The following PHC3 variants were observed in gnomAD, a reference collection of about 807,000 sequenced individuals.
PHC3 encodes polyhomeotic homolog 3.
PHC3 carries 13 observed loss-of-function variants against 107.4 expected under a neutral mutation model. The ratio of observed to expected loss-of-function variants is 0.12; its 90% CI spans 0.08 to 0.19. The LOEUF is 0.19. Ranked by LOEUF, PHC3 falls within the 10% of genes least tolerant of loss-of-function variation. PHC3 has a pLI of 1.00. For missense variants in PHC3, 992 were observed against 1,210.9 expected, an observed-to-expected ratio of 0.82 and a Z score of 2.68; for synonymous variants, 456 against 427.4, an observed-to-expected ratio of 1.07 and a Z score of -0.83.
intron 7 of PHC3, among the ~76,000 whole-genome samples, chr3:170,133,370 G>A (rs1722565539): frequency 6.6e-6 from 1 of 151,818 alleles, no homozygotes; most frequent in Non-Finnish European, 1.5e-5. Context: ...GTAGAGACGG[G>A]GTTTCACCAT....
intron 9 of PHC3, among the ~76,000 whole-genome samples, chr3:170,119,531 G>T (rs1560047699): frequency 6.6e-6 from 1 of 152,016 alleles, no homozygotes; most frequent in Non-Finnish European, 1.5e-5. Context: ...TACATAAGTT[G>T]TAAAAATCGA....
rs758617905 is a variant in PHC3, at chr3:170,128,861, T to C, written c.1611A>G (p.Gln537=). ...CCTGGGACAGAATTTCAGGCTGCAC[T>C]TGTAAAGACTGCATAGACTGCAAGG... ...PLPLQSMQSL[Q]VQPEILSQGQ... The change falls in exon 8 of 15, where the codon CAA becomes CAG. Residue 537 remains glutamine, a synonymous_variant. Transcript: ENST00000495893. 1.2e-6 allele frequency: 2 copies of C among 1,614,004 alleles called. No individual in the cohort carries two copies. The highest frequency in any genetic ancestry group is 1.1e-5 in the South Asian group (1 of 91,090).
intron 2 of PHC3, among the ~76,000 whole-genome samples, chr3:170,178,377 CGCCTCG>C (rs1013289650): frequency 1.3e-5 from 2 of 150,276 alleles, no homozygotes; most frequent in Non-Finnish European, 3.0e-5. Flanking sequence ...GTGATCCGCC[CGCCTCG>C]GCCTCCCAAA....
At chr3:170,111,312 AGG>A (rs1717649932) in intron 11 of PHC3, among the ~76,000 whole-genome samples, 1 of 140,422 alleles carries the variant, frequency 7.1e-6, no homozygotes, top group African/African-American at 2.7e-5. Context: ...GAAGGAAGGA[AGG>A]AAGGAACGAA....
intron 4 of PHC3, among the ~76,000 whole-genome samples, chr3:170,151,338 T>A (rs1009299191): frequency 1.3e-5 from 2 of 152,142 alleles, no homozygotes; most frequent in Non-Finnish European, 2.9e-5. Flanking sequence ...AATACTTTAT[T>A]GGACTTCTTA....
chr3:170,167,034 A>C (rs1728846856), intron 4 of PHC3, among the ~76,000 whole-genome samples: 1 of 152,228 alleles, frequency 6.6e-6, no homozygotes. Context: ...ATTACCACTA[A>C]TAGTGTATGA....
chr3:170,174,170 A>T (rs1320602274), intron 2 of PHC3, among the ~76,000 whole-genome samples: 2 of 151,834 alleles, frequency 1.3e-5, no homozygotes, highest in Admixed American at 1.3e-4. Context: ...TCCAGCCTAG[A>T]CGACAGAGCA....
intron 12 of PHC3, among the ~76,000 whole-genome samples, chr3:170,103,635 G>A (rs1715905696): frequency 6.6e-6 from 1 of 152,124 alleles, no homozygotes; most frequent in South Asian, 2.1e-4. Context: ...CTAAAGCCCT[G>A]GAACCAGGAC....
chr3:170,144,922 G>A (rs1292839750), intron 6 of PHC3, among the ~76,000 whole-genome samples: 1 of 152,114 alleles, frequency 6.6e-6, no homozygotes, highest in Non-Finnish European at 1.5e-5. Context: ...GCCCAGGCTG[G>A]TCTTTAATGC....
intron 9 of PHC3, among the ~76,000 whole-genome samples, chr3:170,121,893 G>A (rs1220176684): frequency 6.6e-6 from 1 of 152,188 alleles, no homozygotes; most frequent in Non-Finnish European, 1.5e-5. Flanking sequence ...TTAGAAGCCT[G>A]AAATGATAGG....
intron 12 of PHC3, among the ~76,000 whole-genome samples, chr3:170,105,487 A>T (rs1716312700): frequency 1.3e-5 from 2 of 152,310 alleles, no homozygotes; most frequent in South Asian, 4.1e-4. Context: ...ATGCAATTAT[A>T]TTAATTTTTT....
At chr3:170,116,770 G>A (rs558583284) in intron 10 of PHC3, among the ~76,000 whole-genome samples, 45 of 151,886 alleles carry the variant, frequency 3.0e-4, no homozygotes, top group Middle Eastern at 3.4e-3. Flanking sequence ...AATTAGTGGG[G>A]CACGGTGGCG....
chr3:170,158,772 C>T (rs990886991), intron 4 of PHC3, among the ~76,000 whole-genome samples: 15 of 150,886 alleles, frequency 9.9e-5, no homozygotes, highest in Non-Finnish European at 2.1e-4. Context: ...ACAGAAAATA[C>T]AAAAATTAGT....
At chr3:170,101,818 G>C (rs1417978935) in intron 14 of PHC3, among the ~76,000 whole-genome samples, 1 of 152,032 alleles carries the variant, frequency 6.6e-6, no homozygotes, top group Non-Finnish European at 1.5e-5. Context: ...GTGATGGAAA[G>C]AGTATCAAAA....
intron 4 of PHC3, among the ~76,000 whole-genome samples, chr3:170,166,861 C>T (rs2108718778): frequency 6.6e-6 from 1 of 151,924 alleles, no homozygotes; most frequent in South Asian, 2.1e-4. Context: ...GTCTACGTTG[C>T]CCAGGCTGGT....
intron 2 of PHC3, among the ~76,000 whole-genome samples, chr3:170,174,783 A>C (rs1411654841): frequency 6.6e-6 from 1 of 152,194 alleles, no homozygotes; most frequent in Admixed American, 6.5e-5. Context: ...TCACAAAATC[A>C]ATGGGAGCTT....
At chr3:170,151,036 TCCCA>T (rs1725871197) in intron 4 of PHC3, among the ~76,000 whole-genome samples, 1 of 151,566 alleles carries the variant, frequency 6.6e-6, no homozygotes, top group Non-Finnish European at 1.5e-5. Flanking sequence ...CATGGTGAAA[TCCCA>T]TTTCTACTAA....
rs555293966 is a variant in PHC3 at position 170,143,804 on chromosome 3, T to C, written c.672+1619A>G. 1.4e-3 allele frequency among the ~76,000 whole-genome samples: 209 copies of C among 152,288 alleles called. 1 individual carries two copies. The highest frequency in any genetic ancestry group is 4.7e-3 in the African/African-American group (197 of 41,572). ...CCAACCAATATACAGAACATCACCT[T>C]AATCATGGAAGTTCACTCATGCCCC... On this transcript the variant is annotated intron_variant, in intron 6 of 14. Coordinates refer to ENST00000495893, the MANE Select transcript of PHC3 (RefSeq NM_024947.4).
At chr3:170,153,393 T>C (rs986426639) in intron 4 of PHC3, among the ~76,000 whole-genome samples, 2 of 152,210 alleles carry the variant, frequency 1.3e-5, no homozygotes, top group African/African-American at 4.8e-5. Flanking sequence ...TGCAAACTGA[T>C]ACCTCTTACT....
Sources: allele counts gnomAD v4.1 joint callset (sites outside exome capture counted in the v4.1 genomes callset), GRCh38; gene constraint gnomAD v4.1.1; transcripts MANE v1.5; gene names NCBI Gene and HGNC (gene_info 2026-07-23, HGNC 2026-07-21).